The following SPAG16 variants were observed in gnomAD, a reference collection of about 807,000 sequenced individuals.
SPAG16 encodes sperm associated antigen 16.
Under a neutral mutation model 80.4 loss-of-function variants are expected in SPAG16, and 86 were observed. That is an observed-to-expected ratio of 1.07 (90% confidence interval 0.90 to 1.28). The LOEUF is 1.28. SPAG16 is among the 50% of genes most tolerant of loss of function. The pLI is 0.00. For missense variants in SPAG16, 870 were observed against 765.3 expected (o/e 1.14, Z -1.61); for synonymous variants, 294 against 265.9 (o/e 1.11, Z -1.03).
chr2:214,289,247 T>C (rs985081602), intron 15 of SPAG16, among the ~76,000 whole-genome samples: 2 of 152,224 alleles, frequency 1.3e-5, no homozygotes, highest in African/African-American at 2.4e-5. Context: ...AGTTTAATAG[T>C]CACATTTGTC....
At chr2:214,015,400 A>C (rs917592929) in intron 13 of SPAG16, among the ~76,000 whole-genome samples, 1 of 152,106 alleles carries the variant, frequency 6.6e-6, no homozygotes, top group Non-Finnish European at 1.5e-5. Context: ...GGAGTTCCAG[A>C]CCAGCCTGTC....
intron 10 of SPAG16, among the ~76,000 whole-genome samples, chr2:213,663,462 T>A (rs181626267): frequency 9.9e-5 from 15 of 152,252 alleles, no homozygotes; most frequent in Admixed American, 5.2e-4. Context: ...GCAAGTATGT[T>A]TTTTAAGTGA....
intron 10 of SPAG16, among the ~76,000 whole-genome samples, chr2:213,809,336 G>A (rs1301238931): frequency 2.0e-5 from 3 of 152,128 alleles, no homozygotes; most frequent in East Asian, 3.9e-4. Context: ...TGGTTCTGTG[G>A]AAAGGTGGAC....
intron 10 of SPAG16, among the ~76,000 whole-genome samples, chr2:213,519,347 C>A (rs1350114541): frequency 6.6e-6 from 1 of 152,212 alleles, no homozygotes; most frequent in East Asian, 1.9e-4. Context: ...ATTGTACTCC[C>A]ATAATTCCTA....
chr2:214,148,395 A>G (rs566193475), intron 14 of SPAG16, among the ~76,000 whole-genome samples: 2 of 152,126 alleles, frequency 1.3e-5, no homozygotes, highest in African/African-American at 2.4e-5. Flanking sequence ...CCCACCTTCC[A>G]TTGCCATGTC....
At chr2:214,059,220 G>GTTTA (rs1275941428) in intron 13 of SPAG16, among the ~76,000 whole-genome samples, 1 of 73,806 alleles carries the variant, frequency 1.4e-5, no homozygotes, top group East Asian at 1.6e-3. Context: ...ATATATGTAT[G>GTTTA]TGTATATATA....
At chr2:214,307,122 T>C (rs1445775200) in intron 15 of SPAG16, among the ~76,000 whole-genome samples, 2 of 152,194 alleles carry the variant, frequency 1.3e-5, no homozygotes, top group African/African-American at 2.4e-5. Flanking sequence ...GGAAGAGGTA[T>C]ATGTCCAGGA....
intron 9 of SPAG16, among the ~76,000 whole-genome samples, chr2:213,432,323 C>T (rs566889549): frequency 5.9e-4 from 89 of 151,852 alleles, no homozygotes; most frequent in African/African-American, 2.0e-3. Context: ...AAAAGATAAA[C>T]AAAATTGATA....
At chr2:213,593,965 C>T (rs1188772871) in intron 10 of SPAG16, among the ~76,000 whole-genome samples, 1 of 150,774 alleles carries the variant, frequency 6.6e-6, no homozygotes, top group Non-Finnish European at 1.5e-5. Context: ...TTAGTAGAGG[C>T]GGGTTTTCAC....
At chr2:214,153,248 C>T (rs1326829186) in intron 15 of SPAG16, among the ~76,000 whole-genome samples, 3 of 152,164 alleles carry the variant, frequency 2.0e-5, no homozygotes, top group Non-Finnish European at 4.4e-5. Context: ...CCTGTCCAGG[C>T]ATAACAGAAG....
At chr2:214,177,264 C>A (rs571784713) in intron 15 of SPAG16, among the ~76,000 whole-genome samples, 2 of 151,248 alleles carry the variant, frequency 1.3e-5, no homozygotes, top group Admixed American at 1.3e-4. Context: ...TCCTTAACTT[C>A]TTTTTCTTAA....
chr2:214,247,344 TG>T (rs1279550775), intron 15 of SPAG16, among the ~76,000 whole-genome samples: 2 of 152,190 alleles, frequency 1.3e-5, no homozygotes, highest in Non-Finnish European at 2.9e-5. Context: ...TAATAGGTTT[TG>T]TTTTATATTC....
At chr2:214,046,125 C>T (rs1051675326) in intron 13 of SPAG16, among the ~76,000 whole-genome samples, 1 of 152,116 alleles carries the variant, frequency 6.6e-6, no homozygotes, top group East Asian at 1.9e-4. Flanking sequence ...TGGCTAGACA[C>T]ATACAACCTA....
chr2:214,168,675 C>T (rs1484127658), intron 15 of SPAG16, among the ~76,000 whole-genome samples: 2 of 152,078 alleles, frequency 1.3e-5, no homozygotes, highest in African/African-American at 2.4e-5. Context: ...TTGGCAAGAA[C>T]ATTTCAGGCT....
rs190028955 is a variant in SPAG16, at chr2:213,578,290, G to C, written c.1070+88200G>C. ...TGATGATTTAAGTTGTTTCAGACAG[G>C]ACAGCAATTGCCAGTGAAAAGCAAA... On this transcript the variant is annotated intron_variant, in intron 10 of 15. Coordinates refer to ENST00000331683, the MANE Select transcript of SPAG16 (RefSeq NM_024532.5). 2.6e-3 allele frequency among the ~76,000 whole-genome samples: 393 copies of C among 152,120 alleles called. 1 individual carries two copies. Among genetic ancestry groups the C allele is most frequent in the Non-Finnish European group, 3.9e-3 (262 of 67,972 alleles).
At chr2:214,393,730 AAAC>A (rs1395966899) in intron 15 of SPAG16, among the ~76,000 whole-genome samples, 2 of 152,160 alleles carry the variant, frequency 1.3e-5, no homozygotes, top group Non-Finnish European at 2.9e-5. Context: ...GAAATTGGAA[AAAC>A]AAAACAGAAA....
intron 10 of SPAG16, among the ~76,000 whole-genome samples, chr2:213,855,100 C>G (rs1195095631): frequency 6.6e-6 from 1 of 152,194 alleles, no homozygotes; most frequent in African/African-American, 2.4e-5. Flanking sequence ...CTTGATCCAT[C>G]CCACCACCAC....
chr2:213,924,696 CT>C (rs1467162195), intron 11 of SPAG16, among the ~76,000 whole-genome samples: 2 of 152,074 alleles, frequency 1.3e-5, no homozygotes, highest in African/African-American at 4.8e-5. Flanking sequence ...TTTGTATCTC[CT>C]TAGAAGTTTA....
At chr2:214,161,109 A>G (rs1225011148) in intron 15 of SPAG16, among the ~76,000 whole-genome samples, 1 of 152,092 alleles carries the variant, frequency 6.6e-6, no homozygotes, top group Non-Finnish European at 1.5e-5. Context: ...AGCTCCATCC[A>G]TGTTTCTGCA....
Sources: allele counts gnomAD v4.1 joint callset (sites outside exome capture counted in the v4.1 genomes callset), GRCh38; gene constraint gnomAD v4.1.1; transcripts MANE v1.5; gene names NCBI Gene and HGNC (gene_info 2026-07-23, HGNC 2026-07-21).